Variants in ERO1B observed in about 807,000 individuals in gnomAD.
ERO1B encodes endoplasmic reticulum oxidoreductase 1 beta.
In ERO1B, 49 loss-of-function variants were observed where a neutral mutation model predicts 75.3. That is an observed-to-expected ratio of 0.65 (90% CI 0.52 to 0.83). The LOEUF (loss-of-function observed/expected upper bound fraction) is 0.83, where lower values mean the gene tolerates loss of function less well. Among genes scored for constraint, ERO1B ranks in the 40% least tolerant of loss-of-function variants. The pLI is 0.00. For synonymous variants in ERO1B, 191 were observed against 192.9 expected (o/e 0.99, Z 0.08); for missense variants, 512 against 560.1 (o/e 0.91, Z 0.87).
chr1:236,219,993 C>T (rs1664095850), intron 15 of ERO1B, among the ~76,000 whole-genome samples: 1 of 143,544 alleles, frequency 7.0e-6, no homozygotes, highest in Admixed American at 7.2e-5. Context: ...CACTGCATTC[C>T]AGCCTGGATG....
At chr1:236,269,802 G>A in intron 2 of ERO1B, 73 bp downstream of exon 2, 1 of 1,237,506 alleles carries the variant, frequency 8.1e-7, no homozygotes. Context: ...GAACTGAAAT[G>A]GGCTTTCAAA....
intron 1 of ERO1B, among the ~76,000 whole-genome samples, chr1:236,272,941 C>T (rs1665629717): frequency 6.6e-6 from 1 of 152,152 alleles, no homozygotes; most frequent in Non-Finnish European, 1.5e-5. Flanking sequence ...GCAAGTGTTA[C>T]ATTTTATTAG....
chr1:236,231,928 A>C lies in ERO1B; in HGVS notation c.685+900T>G, dbSNP rs74958074. 8.3e-4 allele frequency among the ~76,000 whole-genome samples: 126 copies of C among 152,276 alleles called. No individual in the cohort carries two copies. The East Asian group carries it at 0.019, about 23-fold the overall frequency. On this transcript the variant is annotated intron_variant, in intron 9 of 15. Coordinates refer to ENST00000354619, the MANE Select transcript of ERO1B (RefSeq NM_019891.4). ...TCAATCTAATTTAAACTACCACTAT[A>C]TAGTCTTACCTACCACTAAAAGGGT... is the stretch of plus-strand genomic sequence containing the variant.
At chr1:236,231,859 C>CA (rs1182217729) in intron 9 of ERO1B, among the ~76,000 whole-genome samples, 1 of 152,114 alleles carries the variant, frequency 6.6e-6, no homozygotes, top group Non-Finnish European at 1.5e-5. Flanking sequence ...CAAGTGCCAA[C>CA]AGGAAAAGTC....
intron 2 of ERO1B, among the ~76,000 whole-genome samples, chr1:236,259,009 A>G (rs1238079942): frequency 6.6e-6 from 1 of 152,220 alleles, no homozygotes; most frequent in Non-Finnish European, 1.5e-5. Context: ...TCTAATAGGA[A>G]AGTTAAAAGA....
rs1326476305 is a variant in ERO1B, at chr1:236,226,251, C to T, written c.1052+18G>A. On this transcript the variant is annotated intron_variant, in intron 12 of 15. Transcript: ENST00000354619. ...ATACAGAGAGGAGAATTTCAAATCA[C>T]GGATAGTCAATTCTTACTTTGTATC... 14 of 1,610,130 alleles carry T rather than the reference C, an allele frequency of 8.7e-6. No homozygotes were observed. Among genetic ancestry groups the T allele is most frequent in the East Asian group, 4.5e-5 (2 of 44,850 alleles).
Position 236,216,859 on chromosome 1 carries a change from CCCT to C in ERO1B, c.*1654_*1656del, listed in dbSNP as rs1663998181. 2 of 150,008 alleles carry C rather than the reference CCCT, an allele frequency of 1.3e-5. No individual in the cohort carries two copies. Among genetic ancestry groups the C allele is most frequent in the African/African-American group, 5.0e-5 (2 of 39,864 alleles). 9.3% of individuals were successfully genotyped at this position (150,008 alleles called of 1,614,324 possible). On this transcript the variant is annotated 3_prime_UTR_variant, in exon 16 of 16. Transcript: ENST00000354619. ...TTTTAGACAGTTTGCCTTAAGGCCC[CCCT>C]CCCCCACCATACAATACTTGCAACC...
At position 236,232,832 on chromosome 1, in the gene ERO1B, A is replaced by G. The variant is rs1413832936; in HGVS notation, c.681T>C (p.Asp227=). The G allele has an allele frequency of 1.9e-6, 3 of 1,597,160 alleles. No homozygotes were observed. The highest frequency in any genetic ancestry group is 2.6e-6 in the Non-Finnish European group (3 of 1,171,768). The change falls in exon 9 of 16, where the codon GAT becomes GAC. Residue 227 remains aspartate (D), a synonymous_variant. Coordinates refer to ENST00000354619, the MANE Select transcript of ERO1B (RefSeq NM_019891.4). ...LNPLAPSRGE[D]DGESFYTWLE... ...ACAAACATGAGTTTTGCTCACCATC[A>G]TCTTCGCCTAAAAGAGAAAATAATA...
intron 1 of ERO1B, among the ~76,000 whole-genome samples, chr1:236,273,634 C>T (rs1314303017): frequency 2.0e-5 from 3 of 151,904 alleles, no homozygotes; most frequent in Non-Finnish European, 4.4e-5. Flanking sequence ...TGGCAAAACC[C>T]TGTCTCTACA....
intron 10 of ERO1B, 108 bp from the exon 11 acceptor site, chr1:236,226,847 T>G: frequency 1.3e-6 from 1 of 760,620 alleles, no homozygotes; most frequent in South Asian, 1.9e-5. Flanking sequence ...AACATTAAAA[T>G]AAATCAAGGA....
At chr1:236,227,267 GAAC>G (rs1388991215) in intron 10 of ERO1B, among the ~76,000 whole-genome samples, 8 of 151,594 alleles carry the variant, frequency 5.3e-5, no homozygotes, top group Admixed American at 4.6e-4. Flanking sequence ...ATTAAAAAAA[GAAC>G]AACAAGTTGA....
At chr1:236,220,195 T>C (rs1664104676) in intron 15 of ERO1B, 1 of 152,026 alleles carries the variant, frequency 6.6e-6, no homozygotes, top group Non-Finnish European at 1.5e-5. Flanking sequence ...GTTGACTTTT[T>C]TCTCTTTTTC....
At chr1:236,234,197 C>T (rs771340136) in intron 8 of ERO1B, among the ~76,000 whole-genome samples, 3 of 152,058 alleles carry the variant, frequency 2.0e-5, no homozygotes, top group Non-Finnish European at 2.9e-5. Context: ...GTCTTGTCTT[C>T]TTTCATATTT....
intron 9 of ERO1B, 63 bp from the exon 10 acceptor site, chr1:236,230,313 G>A (rs1314702679): frequency 7.1e-7 from 1 of 1,409,716 alleles, no homozygotes; most frequent in African/African-American, 1.4e-5. Flanking sequence ...GAATAAATTA[G>A]GTTTATAAAA....
chr1:236,231,555 G>A (rs1664408081), intron 9 of ERO1B, among the ~76,000 whole-genome samples: 1 of 150,116 alleles, frequency 6.7e-6, no homozygotes, highest in African/African-American at 2.4e-5. Flanking sequence ...TCTGAGTTGG[G>A]GAAAGAGAAA....
intron 5 of ERO1B, among the ~76,000 whole-genome samples, chr1:236,246,440 G>A (rs1203144244): frequency 6.6e-6 from 1 of 151,842 alleles, no homozygotes; most frequent in South Asian, 2.1e-4. Flanking sequence ...CCAAAGTACT[G>A]GGATTACAGG....
intron 6 of ERO1B, among the ~76,000 whole-genome samples, chr1:236,237,793 T>C (rs1392009692): frequency 2.0e-5 from 3 of 152,282 alleles, no homozygotes; most frequent in Middle Eastern, 3.4e-3. Flanking sequence ...GGATTATCCA[T>C]GATCACAAGG....
intron 2 of ERO1B, among the ~76,000 whole-genome samples, chr1:236,267,012 C>T (rs1005154747): frequency 6.6e-6 from 1 of 152,182 alleles, no homozygotes; most frequent in Non-Finnish European, 1.5e-5. Context: ...TGTAACAGTC[C>T]CTAATTTCCC....
chr1:236,221,017 T>C, intron 14 of ERO1B, 52 bp from the exon 15 acceptor site: 1 of 1,328,348 alleles, frequency 7.5e-7, no homozygotes, highest in South Asian at 1.9e-5. Context: ...TAATAACTAG[T>C]AAAAAGGCTT....
Sources: gnomAD v4.1 joint callset for allele counts (sites outside exome capture counted in the v4.1 genomes callset) on GRCh38, gnomAD v4.1.1 for gene constraint, MANE v1.5 for transcripts, NCBI Gene and HGNC (gene_info 2026-07-23, HGNC 2026-07-21) for gene names.